The following ELMO1 variants were observed in gnomAD, a reference collection of about 807,000 sequenced individuals.
ELMO1 encodes engulfment and cell motility 1.
ELMO1 carries 26 observed loss-of-function variants against 98.9 expected under a neutral mutation model. The ratio of observed to expected loss-of-function variants is 0.26; its 90% CI spans 0.19 to 0.36. The LOEUF is 0.36. Ranked by LOEUF, ELMO1 falls within the 10% of genes least tolerant of loss-of-function variation. ELMO1 has a pLI of 1.00. For synonymous variants in ELMO1, 346 were observed against 346.0 expected, an observed-to-expected ratio of 1.00 and a Z score of 0.00; for missense variants, 627 against 935.2, an observed-to-expected ratio of 0.67 and a Z score of 4.30.
At chr7:36,922,173 G>A (rs956420531) in intron 16 of ELMO1, among the ~76,000 whole-genome samples, 2 of 151,528 alleles carry the variant, frequency 1.3e-5, no homozygotes, top group African/African-American at 2.4e-5. Context: ...GAGAGGAAGC[G>A]GATTGAATGA....
intron 16 of ELMO1, among the ~76,000 whole-genome samples, chr7:36,984,034 C>T (rs957180199): frequency 1.3e-5 from 2 of 150,854 alleles, no homozygotes; most frequent in African/African-American, 4.9e-5. Context: ...CTCATTCTTA[C>T]CAACAGGTGC....
chr7:37,222,601 G>T lies in ELMO1; in HGVS notation c.780+14C>A. 2 of 1,613,350 alleles carry T rather than the reference G, an allele frequency of 1.2e-6. No homozygotes were observed. The highest frequency in any genetic ancestry group is 1.7e-6 in the Non-Finnish European group (2 of 1,179,408). ...GCCTTGACATAGCCATAAGACTAAA[G>T]AAATGCAACTTACCTGCCTCCTCTC... On this transcript the variant is annotated intron_variant, in intron 10 of 21. Coordinates refer to ENST00000310758, the MANE Select transcript of ELMO1 (RefSeq NM_014800.11).
chr7:37,331,036 AT>A (rs1800075532), intron 2 of ELMO1, among the ~76,000 whole-genome samples: 1 of 152,134 alleles, frequency 6.6e-6, no homozygotes. Context: ...ATAATGCAAG[AT>A]TTTATCACAG....
At chr7:36,909,970 G>T (rs1299898819) in intron 16 of ELMO1, among the ~76,000 whole-genome samples, 1 of 152,174 alleles carries the variant, frequency 6.6e-6, no homozygotes, top group Non-Finnish European at 1.5e-5. Flanking sequence ...AGATCAAAAA[G>T]TGTCTCTTAT....
At chr7:37,403,445 G>C (rs1220552871) in intron 1 of ELMO1, among the ~76,000 whole-genome samples, 1 of 152,152 alleles carries the variant, frequency 6.6e-6, no homozygotes. Context: ...GGACGGTAGG[G>C]GGGTGCATAG....
intron 16 of ELMO1, among the ~76,000 whole-genome samples, chr7:36,954,347 C>T (rs1202919682): frequency 6.6e-6 from 1 of 152,166 alleles, no homozygotes; most frequent in Non-Finnish European, 1.5e-5. Flanking sequence ...CAGTGCATCA[C>T]AGATGTCCCT....
intron 14 of ELMO1, among the ~76,000 whole-genome samples, chr7:37,117,715 G>A (rs1338157630): frequency 2.0e-5 from 3 of 152,112 alleles, no homozygotes; most frequent in Non-Finnish European, 4.4e-5. Flanking sequence ...AAGCCTCCAA[G>A]CTGTGGACCT....
rs539286406 is a variant in ELMO1, at chr7:37,152,173, T to C, written c.1087-18939A>G. ...AGCTTTGGTGTCCTTGTGAACCTCA[T>C]GCAGTCATGGTTCCAGGTACAGTCT... On this transcript the variant is annotated intron_variant, in intron 13 of 21. Transcript: ENST00000310758. 2.0e-5 allele frequency among the ~76,000 whole-genome samples: 3 copies of C among 152,344 alleles called. No homozygotes were observed. In the South Asian group the frequency reaches 6.2e-4, roughly 32 times the overall value.
chr7:37,162,824 G>A (rs1789321069), intron 13 of ELMO1, among the ~76,000 whole-genome samples: 1 of 152,160 alleles, frequency 6.6e-6, no homozygotes, highest in African/African-American at 2.4e-5. Context: ...GTCCTAAAAT[G>A]TGTAACACAT....
intron 15 of ELMO1, among the ~76,000 whole-genome samples, chr7:37,020,906 A>G (rs772489752): frequency 3.3e-5 from 5 of 152,244 alleles, no homozygotes; most frequent in Non-Finnish European, 7.3e-5. Flanking sequence ...TAGAGCAGTC[A>G]TTAAAATCTG....
At chr7:37,322,600 G>A (rs1456801563) in intron 2 of ELMO1, among the ~76,000 whole-genome samples, 7 of 146,070 alleles carry the variant, frequency 4.8e-5, no homozygotes, top group South Asian at 2.2e-4. Flanking sequence ...CAGCCTGGGC[G>A]ACAACAGTAA....
chr7:37,217,796 G>A (rs972719524), intron 10 of ELMO1: 2 of 456,950 alleles, frequency 4.4e-6, no homozygotes, highest in Non-Finnish European at 8.8e-6. Flanking sequence ...AAAGCAAGCA[G>A]GAGAGAAGAA....
chr7:36,873,037 A>G (rs955262573), intron 19 of ELMO1, among the ~76,000 whole-genome samples: 2 of 152,180 alleles, frequency 1.3e-5, no homozygotes, highest in Admixed American at 6.5e-5. Context: ...GAGAAGCGTC[A>G]CTTTTTCACT....
chr7:36,865,098 CA>C (rs1700094610), intron 20 of ELMO1, among the ~76,000 whole-genome samples: 1 of 152,192 alleles, frequency 6.6e-6, no homozygotes, highest in African/African-American at 2.4e-5. Context: ...CGACTGATAA[CA>C]AGAGTAGAGT....
At chr7:37,216,595 C>G in intron 11 of ELMO1, 50 bp downstream of exon 11, 1 of 1,602,218 alleles carries the variant, frequency 6.2e-7, no homozygotes, top group Non-Finnish European at 8.6e-7. Flanking sequence ...TTAACAAATG[C>G]ACCAGGCCAC....
chr7:37,293,352 CTT>C (rs1353111425), intron 4 of ELMO1, among the ~76,000 whole-genome samples: 1 of 110,386 alleles, frequency 9.1e-6, no homozygotes, highest in Non-Finnish European at 2.1e-5. Flanking sequence ...ACATGGGAGA[CTT>C]TTCATTTTGT....
intron 18 of ELMO1, 128 bp from the exon 19 acceptor site, chr7:36,878,245 A>G (rs972226681): frequency 8.6e-6 from 6 of 697,522 alleles, no homozygotes; most frequent in African/African-American, 5.4e-5. Flanking sequence ...TTGAGGAAGA[A>G]TGAATTCTAG....
rs567258488 is a variant in ELMO1, at chr7:37,342,803, G to A, written c.-73-40C>T. The stretch of plus-strand genomic sequence containing the variant: ...CAGAAAAAGAAAGAGAAGTCACTCA[G>A]TGCAGATGCAGGGTGAATTTTGCTT... On this transcript the variant is annotated intron_variant, in intron 1 of 21. Coordinates refer to ENST00000310758, the MANE Select transcript of ELMO1 (RefSeq NM_014800.11). This position sits in a 1 kb window ranked among gnomAD's most constrained non-coding sequence, Gnocchi z 4.3. The A allele has an allele frequency of 3.8e-5, 37 of 975,582 alleles. No individual in the cohort carries two copies. The highest frequency in any genetic ancestry group is 4.5e-4 in the Middle Eastern group (2 of 4,420). The allele number at this position is 975,582 out of a possible 1,614,324, so 60.4% of individuals were successfully genotyped here.
At chr7:37,345,116 A>G (rs114810352) in intron 1 of ELMO1, among the ~76,000 whole-genome samples, 144 of 152,358 alleles carry the variant, frequency 9.5e-4, no homozygotes, top group African/African-American at 3.3e-3. Flanking sequence ...TCCTTTGGCC[A>G]AAGATGATTA....
Sources: gnomAD v4.1 joint callset for allele counts (sites outside exome capture counted in the v4.1 genomes callset) on GRCh38, gnomAD v4.1.1 for gene constraint, Gnocchi (gnomAD v3.1) non-coding constraint, MANE v1.5 for transcripts, NCBI Gene and HGNC (gene_info 2026-07-23, HGNC 2026-07-21) for gene names.